CDH4: variants seen among roughly 807,000 people sequenced by gnomAD.
CDH4 encodes the protein cadherin 4, also known as cadherin-4.
CDH4 carries 33 observed loss-of-function variants against 86.0 expected under a neutral mutation model. The ratio of observed to expected loss-of-function variants is 0.38; its 90% confidence interval spans 0.29 to 0.51. CDH4 has a LOEUF of 0.51. CDH4 is among the 20% of genes least tolerant of loss of function. The pLI is 0.86. For missense variants in CDH4, 1,114 were observed against 1,307.4 expected, an observed-to-expected ratio of 0.85 and a Z score of 2.28; for synonymous variants, 555 against 549.4, an observed-to-expected ratio of 1.01 and a Z score of -0.14.
At chr20:61,520,037 T>G (rs2085857478) in intron 2 of CDH4, among the ~76,000 whole-genome samples, 1 of 152,224 alleles carries the variant, frequency 6.6e-6, no homozygotes. Flanking sequence ...TGTGTCAGTT[T>G]CTAGGCTATT....
Position 61,858,799 on chromosome 20 carries a change from G to C in CDH4, c.877+5901G>C, listed in dbSNP as rs534363981. 1.1e-4 allele frequency among the ~76,000 whole-genome samples: 17 copies of C among 152,312 alleles called. No individual in the cohort carries two copies. The South Asian group carries it at 3.5e-3, about 32-fold the overall frequency. On this transcript the variant is annotated intron_variant, in intron 6 of 15. Transcript: ENST00000614565. ...GGCCTGGGTGTACCGCGGCTTATGA[G>C]CCATCCCCAACTGATGGACGCTGGG...
At chr20:61,786,271 C>T (rs546977089) in intron 4 of CDH4, among the ~76,000 whole-genome samples, 1 of 152,138 alleles carries the variant, frequency 6.6e-6, no homozygotes, top group East Asian at 1.9e-4. Flanking sequence ...GGGGCGGCTA[C>T]ACATGTGCAC....
chr20:61,526,625 T>C (rs2085912850), intron 2 of CDH4, among the ~76,000 whole-genome samples: 1 of 150,098 alleles, frequency 6.7e-6, no homozygotes, highest in Non-Finnish European at 1.5e-5. Context: ...ATTAGGTATA[T>C]CTCCCAATGC....
At position 61,888,234 on chromosome 20, in the gene CDH4, C is replaced by G. The variant is rs556409500; in HGVS notation, c.1051-6676C>G. 1.6e-4 allele frequency among the ~76,000 whole-genome samples: 25 copies of G among 152,320 alleles called. No homozygotes were observed. In the East Asian group the frequency reaches 4.6e-3, roughly 28 times the overall value. ...TGAAATGAGACTCCGCAGGCAGGAT[C>G]CCGGCCCCTCACCAAGGTGGCATGG... is the stretch of plus-strand genomic sequence containing the variant. On this transcript the variant is annotated intron_variant, in intron 7 of 15. Coordinates refer to ENST00000614565, the MANE Select transcript of CDH4 (RefSeq NM_001794.5).
At chr20:61,662,538 G>A (rs934015644) in intron 2 of CDH4, among the ~76,000 whole-genome samples, 14 of 152,230 alleles carry the variant, frequency 9.2e-5, no homozygotes, top group African/African-American at 3.1e-4. Context: ...GGGGGCTGGG[G>A]GGCACAGGAC....
chr20:61,696,473 T>C (rs1237649849), intron 2 of CDH4, among the ~76,000 whole-genome samples: 9 of 152,150 alleles, frequency 5.9e-5, no homozygotes, highest in Non-Finnish European at 1.3e-4. Context: ...GCGCCAGCTG[T>C]GTACTGAGCA....
chr20:61,294,080 C>A (rs1226984585), intron 2 of CDH4, among the ~76,000 whole-genome samples: 3 of 152,160 alleles, frequency 2.0e-5, no homozygotes, highest in Non-Finnish European at 4.4e-5. Context: ...CGCAAGGATG[C>A]TGGCCTGGCT....
chr20:61,700,982 T>A (rs2087769401), intron 2 of CDH4, among the ~76,000 whole-genome samples: 1 of 152,054 alleles, frequency 6.6e-6, no homozygotes, highest in African/African-American at 2.4e-5. Flanking sequence ...AGAGGGGCGG[T>A]GTAAACAGCA....
intron 2 of CDH4, among the ~76,000 whole-genome samples, chr20:61,275,377 G>C (rs2084224055): frequency 9.1e-6 from 1 of 109,568 alleles, no homozygotes; most frequent in Non-Finnish European, 1.8e-5. Flanking sequence ...GCAGTTTGGG[G>C]GAGTACTGTG....
Position 61,432,187 on chromosome 20 carries a change from T to C in CDH4, c.169+177250T>C, listed in dbSNP as rs1450638215. On this transcript the variant is annotated intron_variant, in intron 2 of 15. Transcript: ENST00000614565. ...AGCTAGGCTATATAGTAGAGAAGTG[T>C]TTAACTTTTTAAGAAGTTGCTCAGT... Among the ~76,000 whole-genome samples, 3 of 152,218 alleles carry C rather than the reference T, an allele frequency of 2.0e-5. No homozygotes were observed. In the East Asian group the frequency reaches 5.8e-4, roughly 29 times the overall value.
intron 7 of CDH4, among the ~76,000 whole-genome samples, chr20:61,878,756 C>T (rs1460996406): frequency 6.6e-6 from 1 of 152,284 alleles, no homozygotes; most frequent in Non-Finnish European, 1.5e-5. Flanking sequence ...CCACCCCACT[C>T]TGCCCGCTCA....
At chr20:61,874,286 G>A (rs1263530111) in intron 7 of CDH4, among the ~76,000 whole-genome samples, 1 of 152,096 alleles carries the variant, frequency 6.6e-6, no homozygotes, top group Non-Finnish European at 1.5e-5. Context: ...TCTGGGCCTG[G>A]CACCTCCAAG....
chr20:61,864,849 C>A (rs1339306950), intron 6 of CDH4, among the ~76,000 whole-genome samples: 1 of 152,184 alleles, frequency 6.6e-6, no homozygotes, highest in Admixed American at 6.5e-5. Context: ...CAGCAGTTGT[C>A]CTGTTGCCCT....
At chr20:61,545,312 T>C (rs544512539) in intron 2 of CDH4, among the ~76,000 whole-genome samples, 1 of 152,368 alleles carries the variant, frequency 6.6e-6, no homozygotes, top group Non-Finnish European at 1.5e-5. Context: ...GAAGTGGCGG[T>C]AAATTCCATG....
intron 2 of CDH4, among the ~76,000 whole-genome samples, chr20:61,672,306 G>T (rs2087399402): frequency 6.6e-6 from 1 of 152,154 alleles, no homozygotes; most frequent in Non-Finnish European, 1.5e-5. Flanking sequence ...TGGGTGTGTG[G>T]ATGGACAGAA....
chr20:61,451,126 C>CG (rs201825667), intron 2 of CDH4, among the ~76,000 whole-genome samples: 81 of 109,234 alleles, frequency 7.4e-4, no homozygotes, highest in Non-Finnish European at 1.4e-3. Context: ...TCTCACGCCC[C>CG]CCCCCTTCCC....
At chr20:61,644,492 C>A (rs2087041510) in intron 2 of CDH4, among the ~76,000 whole-genome samples, 1 of 152,144 alleles carries the variant, frequency 6.6e-6, no homozygotes, top group African/African-American at 2.4e-5. Context: ...CAGATACTTG[C>A]AATAAAGGAG....
At chr20:61,682,638 A>G (rs759081790) in intron 2 of CDH4, among the ~76,000 whole-genome samples, 12 of 152,116 alleles carry the variant, frequency 7.9e-5, no homozygotes, top group African/African-American at 2.4e-4. Context: ...AGAACAGGGC[A>G]TTAAAACTCA....
intron 2 of CDH4, among the ~76,000 whole-genome samples, chr20:61,412,965 C>T (rs978606074): frequency 3.3e-5 from 5 of 152,142 alleles, no homozygotes; most frequent in South Asian, 2.1e-4. Context: ...GTTGATAGAA[C>T]CCTGCCTAGG....
Sources: gnomAD v4.1 joint callset for allele counts (sites outside exome capture counted in the v4.1 genomes callset) on GRCh38, gnomAD v4.1.1 for gene constraint, MANE v1.5 for transcripts, NCBI Gene and HGNC (gene_info 2026-07-23, HGNC 2026-07-21) for gene names.